SAE1: variants seen among roughly 807,000 people sequenced by gnomAD.
SAE1 encodes SUMO-activating enzyme subunit 1.
SAE1 carries 11 observed loss-of-function variants against 40.6 expected under a neutral mutation model. The ratio of observed to expected loss-of-function variants is 0.27; its 90% confidence interval spans 0.17 to 0.45. SAE1 has a LOEUF of 0.45. SAE1 is among the 20% of genes least tolerant of loss of function. The pLI, the probability that SAE1 is intolerant of heterozygous loss-of-function variation, is 1.00. For missense variants in SAE1, 373 were observed against 427.3 expected (o/e 0.87, Z 1.12); for synonymous variants, 155 against 154.3 (o/e 1.00, Z -0.03).
intron 2 of SAE1, 62 bp from the exon 3 acceptor site, chr19:47,150,140 C>A (rs910243107): frequency 1.6e-4 from 158 of 973,178 alleles, no homozygotes; most frequent in Middle Eastern, 3.8e-4. Context: ...TTTAAAGATT[C>A]TTTTTAAGAT....
In SAE1 at chr19:47,208,572, C is replaced by T. The variant is rs544652709; in HGVS notation, c.949-587C>T. ...TCTCCTGCCTCAGCCTCCCGAGTAG[C>T]ATGCCACCATACTCGGCTAATTTCT... On this transcript the variant is annotated intron_variant, in intron 8 of 8. Coordinates refer to ENST00000270225, the MANE Select transcript of SAE1 (RefSeq NM_005500.3). 1.5e-4 allele frequency among the ~76,000 whole-genome samples: 23 copies of T among 152,280 alleles called. No individual in the cohort carries two copies. The South Asian group carries it at 3.3e-3, about 22-fold the overall frequency.
At chr19:47,206,402 C>G (rs149873232) in intron 8 of SAE1, among the ~76,000 whole-genome samples, 1 of 152,224 alleles carries the variant, frequency 6.6e-6, no homozygotes, top group South Asian at 2.1e-4. Flanking sequence ...CCTTTCTCTC[C>G]TGAGGCACTG....
chr19:47,143,175 G>A (rs895067229), intron 1 of SAE1, among the ~76,000 whole-genome samples: 1 of 151,608 alleles, frequency 6.6e-6, no homozygotes, highest in Non-Finnish European at 1.5e-5. Flanking sequence ...GCATGATCTC[G>A]GCTCACTGCA....
intron 5 of SAE1, among the ~76,000 whole-genome samples, chr19:47,161,272 A>G (rs1250953292): frequency 1.3e-5 from 2 of 151,544 alleles, no homozygotes; most frequent in Non-Finnish European, 2.9e-5. Context: ...TGGCCTCTCA[A>G]AGTGCTGAGA....
chr19:47,152,089 C>T (rs929676520), intron 3 of SAE1, among the ~76,000 whole-genome samples: 2 of 152,218 alleles, frequency 1.3e-5, no homozygotes, highest in African/African-American at 4.8e-5. Context: ...TGCTAGACAA[C>T]AGCAAAGAGG....
At chr19:47,177,172 ATTC>A (rs2058474546) in intron 6 of SAE1, among the ~76,000 whole-genome samples, 1 of 152,226 alleles carries the variant, frequency 6.6e-6, no homozygotes, top group Non-Finnish European at 1.5e-5. Context: ...AGCTGAAAAT[ATTC>A]TTAGACCAAA....
At chr19:47,184,653 C>T (rs992780483) in intron 6 of SAE1, among the ~76,000 whole-genome samples, 3 of 151,950 alleles carry the variant, frequency 2.0e-5, no homozygotes, top group Admixed American at 6.6e-5. Context: ...TCAGGTGATC[C>T]ACCCACCTCA....
chr19:47,164,302 G>A (rs1161285286), intron 5 of SAE1, among the ~76,000 whole-genome samples: 1 of 151,978 alleles, frequency 6.6e-6, no homozygotes, highest in Non-Finnish European at 1.5e-5. Context: ...CCGAGTAGCT[G>A]GGACTACAGA....
chr19:47,157,387 G>C (rs2058330975), intron 5 of SAE1, among the ~76,000 whole-genome samples: 1 of 152,214 alleles, frequency 6.6e-6, no homozygotes, highest in Non-Finnish European at 1.5e-5. Context: ...AAGCTGCTTT[G>C]TGGGTGCTGT....
At chr19:47,182,065 C>T (rs1294019319) in intron 6 of SAE1, among the ~76,000 whole-genome samples, 1 of 151,974 alleles carries the variant, frequency 6.6e-6, no homozygotes, top group African/African-American at 2.4e-5. Flanking sequence ...GGATAACAGA[C>T]GTGAGCCACT....
chr19:47,203,793 C>T (rs987440832), intron 8 of SAE1, 53 bp downstream of exon 8: 18 of 1,465,956 alleles, frequency 1.2e-5, no homozygotes, highest in Non-Finnish European at 1.7e-5. Context: ...TGTATATGTG[C>T]TGACAGAGAG....
chr19:47,208,341 C>A (rs910794331), intron 8 of SAE1, among the ~76,000 whole-genome samples: 2 of 152,168 alleles, frequency 1.3e-5, no homozygotes, highest in African/African-American at 4.8e-5. Context: ...CTCACTGCAG[C>A]CTCAATGTCC....
chr19:47,137,261 G>T (rs928047887), intron 1 of SAE1, among the ~76,000 whole-genome samples: 3 of 152,058 alleles, frequency 2.0e-5, no homozygotes, highest in Non-Finnish European at 4.4e-5. Context: ...GGTGGTGGGT[G>T]CTTGTAATCC....
In SAE1 at chr19:47,143,558, C is replaced by G; in HGVS notation, c.163C>G (p.Leu55Val). Reference protein sequence around the residue: ...KGLGAEIAKNLILAGVKGLTM... With the variant: ...KGLGAEIAKNVILAGVKGLTM... ...ACTTGGGGCTGAAATTGCCAAGAAT[C>G]TCATCTTGGCAGGAGTGAAAGGACT... Residue 55 changes from leucine to valine, a missense_variant, in exon 2 of 9, where the codon CTC becomes GTC. By Grantham distance (32) the Leu-to-Val change is conservative. Transcript: ENST00000270225. 3.1e-6 allele frequency: 5 copies of G among 1,614,000 alleles called. No homozygotes were observed. In the South Asian group the frequency reaches 4.4e-5, roughly 14 times the overall value.
chr19:47,193,896 C>G (rs1164728344), intron 6 of SAE1, among the ~76,000 whole-genome samples: 1 of 151,746 alleles, frequency 6.6e-6, no homozygotes, highest in African/African-American at 2.4e-5. Flanking sequence ...AGAGCCCCGT[C>G]TATACTGGAC....
At chr19:47,186,458 T>C (rs2058545157) in intron 6 of SAE1, among the ~76,000 whole-genome samples, 1 of 152,110 alleles carries the variant, frequency 6.6e-6, no homozygotes, top group Non-Finnish European at 1.5e-5. Flanking sequence ...CAGGACCTTT[T>C]ATAGGGATCC....
At chr19:47,185,118 C>A (rs1490195489) in intron 6 of SAE1, among the ~76,000 whole-genome samples, 1 of 151,996 alleles carries the variant, frequency 6.6e-6, no homozygotes, top group Non-Finnish European at 1.5e-5. Flanking sequence ...AGGTACCATG[C>A]CCGGCCATTA....
chr19:47,148,334 A>T (rs766102353), intron 2 of SAE1, among the ~76,000 whole-genome samples: 7 of 151,886 alleles, frequency 4.6e-5, no homozygotes, highest in Non-Finnish European at 7.4e-5. Flanking sequence ...TAAGATAGAG[A>T]GTGTGCTGTG....
chr19:47,143,899 G>A (rs757062682), intron 2 of SAE1, among the ~76,000 whole-genome samples: 1 of 152,166 alleles, frequency 6.6e-6, no homozygotes, highest in African/African-American at 2.4e-5. Context: ...GTAGAGAAGT[G>A]TTTTTCCAAT....
Sources: allele counts gnomAD v4.1 joint callset (sites outside exome capture counted in the v4.1 genomes callset), GRCh38; gene constraint gnomAD v4.1.1; transcripts MANE v1.5; gene names NCBI Gene and HGNC (gene_info 2026-07-23, HGNC 2026-07-21).